Variants in SHANK2 observed in about 807,000 individuals in gnomAD.
SHANK2 encodes SH3 and multiple ankyrin repeat domains 2.
In SHANK2, 43 loss-of-function variants were observed where a neutral mutation model predicts 133.7. The observed-to-expected ratio is 0.32, with a 90% CI of 0.25 to 0.41. SHANK2 has a LOEUF of 0.41. Ranked by LOEUF, SHANK2 falls within the 10% of genes least tolerant of loss-of-function variation. The pLI, the probability that SHANK2 is intolerant of heterozygous loss-of-function variation, is 1.00. For missense variants in SHANK2, 1,994 were observed against 2,235.8 expected, an observed-to-expected ratio of 0.89 and a Z score of 2.18; for synonymous variants, 1,017 against 952.8, an observed-to-expected ratio of 1.07 and a Z score of -1.24.
intron 14 of SHANK2, among the ~76,000 whole-genome samples, chr11:70,759,114 G>T (rs545515929): frequency 6.6e-6 from 1 of 151,252 alleles, no homozygotes; most frequent in South Asian, 2.1e-4. Flanking sequence ...GCAGTGAGCC[G>T]AGATCACGCC....
chr11:70,703,726 G>A (rs887227302), intron 14 of SHANK2, among the ~76,000 whole-genome samples: 1 of 152,210 alleles, frequency 6.6e-6, no homozygotes, highest in Non-Finnish European at 1.5e-5. Context: ...GTTTCCTGCC[G>A]CTGAGAGGTC....
intron 15 of SHANK2, among the ~76,000 whole-genome samples, chr11:70,683,963 T>C (rs1186925443): frequency 1.3e-5 from 2 of 152,122 alleles, no homozygotes; most frequent in Non-Finnish European, 2.9e-5. Context: ...TTTGTATTTT[T>C]AGTAGAGACA....
intron 2 of SHANK2, among the ~76,000 whole-genome samples, chr11:71,214,261 C>G (rs1255716361): frequency 1.3e-5 from 2 of 152,180 alleles, no homozygotes; most frequent in African/African-American, 4.8e-5. Context: ...CCTCACTCAG[C>G]CACCTCCATC....
At chr11:70,780,739 A>C (rs1947464843) in intron 14 of SHANK2, among the ~76,000 whole-genome samples, 1 of 151,776 alleles carries the variant, frequency 6.6e-6, no homozygotes, top group Admixed American at 6.6e-5. Context: ...TATCTGGCTA[A>C]TTTTTTGTAC....
intron 12 of SHANK2, among the ~76,000 whole-genome samples, chr11:70,814,520 G>A (rs1458241208): frequency 1.3e-5 from 2 of 152,172 alleles, no homozygotes; most frequent in African/African-American, 2.4e-5. Context: ...GTCCCTGGGC[G>A]GCCAAGGCCC....
At position 70,871,614 on chromosome 11, in the gene SHANK2, T is replaced by C. The variant is rs569453403; in HGVS notation, c.1174+24887A>G. ...GGCAGGGAGAGAAAGGAAAGTGAGG[T>C]CGAGACAAATATTATAAATATGACC... On this transcript the variant is annotated intron_variant, in intron 11 of 25. Coordinates refer to ENST00000601538, the MANE Select transcript of SHANK2 (RefSeq NM_012309.5). 2.4e-4 allele frequency among the ~76,000 whole-genome samples: 37 copies of C among 152,208 alleles called. 1 individual carries two copies. In the Middle Eastern group the frequency reaches 0.02, roughly 84 times the overall value.
At chr11:70,790,784 C>CG (rs1441806957) in intron 14 of SHANK2, among the ~76,000 whole-genome samples, 1 of 152,174 alleles carries the variant, frequency 6.6e-6, no homozygotes, top group African/African-American at 2.4e-5. Context: ...GCTCCTGGCC[C>CG]GGGACCACAG....
intron 17 of SHANK2, among the ~76,000 whole-genome samples, chr11:70,558,384 C>T (rs1219853497): frequency 2.0e-5 from 3 of 152,250 alleles, no homozygotes; most frequent in Non-Finnish European, 2.9e-5. Flanking sequence ...GCCCATTCGG[C>T]GTGCACGACC....
At chr11:71,236,123 G>A (rs543758619) in intron 1 of SHANK2, among the ~76,000 whole-genome samples, 14 of 152,214 alleles carry the variant, frequency 9.2e-5, no homozygotes, top group East Asian at 1.9e-4. Context: ...GATGTTGCTC[G>A]GGACCCGTCT....
intron 2 of SHANK2, among the ~76,000 whole-genome samples, chr11:71,159,709 C>T (rs1355413780): frequency 5.3e-5 from 8 of 152,182 alleles, no homozygotes; most frequent in Non-Finnish European, 2.9e-5. Flanking sequence ...TCAGGCCGGG[C>T]ATGGTGGCTC....
At chr11:70,588,020 C>T (rs1166784363) in intron 17 of SHANK2, among the ~76,000 whole-genome samples, 1 of 152,062 alleles carries the variant, frequency 6.6e-6, no homozygotes, top group East Asian at 1.9e-4. Flanking sequence ...ATCTTTGATG[C>T]TTCTATTGTA....
At chr11:70,528,048 C>A (rs1210019160) in intron 17 of SHANK2, among the ~76,000 whole-genome samples, 1 of 152,226 alleles carries the variant, frequency 6.6e-6, no homozygotes, top group African/African-American at 2.4e-5. Context: ...TCATGACCGT[C>A]CTCCCATCCC....
intron 14 of SHANK2, among the ~76,000 whole-genome samples, chr11:70,767,274 T>C (rs1468974577): frequency 6.6e-6 from 1 of 152,204 alleles, no homozygotes; most frequent in Non-Finnish European, 1.5e-5. Context: ...GATCCCAGAA[T>C]GTAAGAAAGT....
intron 10 of SHANK2, among the ~76,000 whole-genome samples, chr11:70,917,370 T>C (rs544551315): frequency 6.6e-6 from 1 of 152,244 alleles, no homozygotes; most frequent in African/African-American, 2.4e-5. Flanking sequence ...CAACAGATGC[T>C]GGTGAGGAGA....
At chr11:70,599,937 A>AAGAAAGAT (rs2060467010) in intron 17 of SHANK2, among the ~76,000 whole-genome samples, 3 of 101,842 alleles carry the variant, frequency 2.9e-5, no homozygotes, top group African/African-American at 1.2e-4. Flanking sequence ...GAAAGAAAGA[A>AAGAAAGAT]AGAAAGAAAG....
chr11:71,118,670 T>C (rs112152943), intron 4 of SHANK2, among the ~76,000 whole-genome samples, 159 bp downstream of exon 4: 7,487 of 150,994 alleles, frequency 0.05, 560 homozygotes, highest in African/African-American at 0.17. Flanking sequence ...CAGAGCCAAA[T>C]CATATCAAAC....
chr11:71,218,318 G>C (rs1182559742), intron 2 of SHANK2, among the ~76,000 whole-genome samples: 3 of 131,860 alleles, frequency 2.3e-5, no homozygotes, highest in African/African-American at 8.8e-5. Flanking sequence ...ACGCTGGAGT[G>C]CAATGGTGCA....
intron 11 of SHANK2, among the ~76,000 whole-genome samples, chr11:70,825,393 T>A (rs944865765): frequency 6.6e-6 from 1 of 152,316 alleles, no homozygotes; most frequent in Non-Finnish European, 1.5e-5. Context: ...TATACATTCC[T>A]AAGACTCTGT....
chr11:71,133,439 G>GGGAT, intron 3 of SHANK2, among the ~76,000 whole-genome samples: 1 of 130,828 alleles, frequency 7.6e-6, no homozygotes, highest in Admixed American at 7.3e-5. Flanking sequence ...GAGGGAGGGA[G>GGGAT]GGACGGACGG....
Sources: gnomAD v4.1 joint callset for allele counts (sites outside exome capture counted in the v4.1 genomes callset) on GRCh38, gnomAD v4.1.1 for gene constraint, MANE v1.5 for transcripts, NCBI Gene and HGNC (gene_info 2026-07-23, HGNC 2026-07-21) for gene names.